Variants in NRXN3 observed in about 807,000 individuals in gnomAD.
NRXN3 encodes neurexin 3, also known as neurexin III.
In NRXN3, 32 loss-of-function variants were observed where a neutral mutation model predicts 137.6. The observed-to-expected ratio is 0.23, with a 90% CI of 0.18 to 0.31. NRXN3 has a LOEUF of 0.31. Among genes scored for constraint, NRXN3 ranks in the 10% least tolerant of loss-of-function variants. NRXN3 has a pLI of 1.00. For missense variants in NRXN3, 1,574 were observed against 2,062.5 expected (o/e 0.76, Z 4.59); for synonymous variants, 798 against 784.5 (o/e 1.02, Z -0.29).
intron 10 of NRXN3, among the ~76,000 whole-genome samples, chr14:78,832,730 A>AAAT (rs1483275618): frequency 6.6e-6 from 1 of 152,208 alleles, no homozygotes. Context: ...GCTGTGGTTT[A>AAAT]AATAATAATA....
chr14:79,126,545 G>A (rs2056519254), intron 15 of NRXN3, among the ~76,000 whole-genome samples: 1 of 152,130 alleles, frequency 6.6e-6, no homozygotes, highest in Non-Finnish European at 1.5e-5. Context: ...TGGTCTATGT[G>A]TGCCACATTT....
intron 10 of NRXN3, among the ~76,000 whole-genome samples, chr14:78,928,292 T>C (rs1196863496): frequency 6.6e-6 from 1 of 151,620 alleles, no homozygotes; most frequent in Non-Finnish European, 1.5e-5. Context: ...TCTGACTTCA[T>C]TACTTACAGG....
At chr14:79,760,421 C>CTTT (rs36098809) in intron 19 of NRXN3, among the ~76,000 whole-genome samples, 1 of 138,300 alleles carries the variant, frequency 7.2e-6, no homozygotes, top group Non-Finnish European at 1.6e-5. Flanking sequence ...ATAACTTAAC[C>CTTT]TTTTTTTTTT....
chr14:78,848,561 A>G (rs1366705276), intron 10 of NRXN3, among the ~76,000 whole-genome samples: 1 of 152,140 alleles, frequency 6.6e-6, no homozygotes, highest in Non-Finnish European at 1.5e-5. Context: ...CAGCTTGTAC[A>G]TGAAGTTATC....
chr14:79,792,183 C>CA (rs2099147339), intron 19 of NRXN3, among the ~76,000 whole-genome samples: 1 of 151,252 alleles, frequency 6.6e-6, no homozygotes, highest in Non-Finnish European at 1.5e-5. Flanking sequence ...CAGCACCTCT[C>CA]AAAACAGAAA....
chr14:78,747,110 A>T (rs1176309567), intron 8 of NRXN3, among the ~76,000 whole-genome samples: 4 of 145,850 alleles, frequency 2.7e-5, no homozygotes, highest in Admixed American at 2.7e-4. Context: ...AAGACCTCAA[A>T]ACTCATAAAT....
chr14:78,336,673 C>T (rs1011232265), intron 4 of NRXN3, among the ~76,000 whole-genome samples: 1 of 152,114 alleles, frequency 6.6e-6, no homozygotes, highest in African/African-American at 2.4e-5. Flanking sequence ...TTGAGTGACT[C>T]ATCTGAGATG....
intron 10 of NRXN3, among the ~76,000 whole-genome samples, chr14:78,896,329 T>C (rs1303498478): frequency 6.6e-6 from 1 of 151,844 alleles, no homozygotes; most frequent in Non-Finnish European, 1.5e-5. Context: ...GTAAAACATA[T>C]TTTTTATTTC....
intron 10 of NRXN3, among the ~76,000 whole-genome samples, chr14:78,850,713 A>G (rs2099040256): frequency 6.6e-6 from 1 of 152,120 alleles, no homozygotes. Flanking sequence ...TATAATTTAG[A>G]TCATGTGACC....
chr14:79,593,794 C>CTCAT (rs2097834816), intron 16 of NRXN3, among the ~76,000 whole-genome samples: 1 of 152,072 alleles, frequency 6.6e-6, no homozygotes, highest in Non-Finnish European at 1.5e-5. Flanking sequence ...TTTAAGCAGA[C>CTCAT]TCATTATACT....
At chr14:79,149,349 A>G (rs1320659428) in intron 15 of NRXN3, among the ~76,000 whole-genome samples, 2 of 151,484 alleles carry the variant, frequency 1.3e-5, no homozygotes, top group African/African-American at 2.4e-5. Flanking sequence ...TCAAATTGTA[A>G]TTCAAAGGCT....
chr14:78,918,141 C>T (rs12893641), intron 10 of NRXN3, among the ~76,000 whole-genome samples: 17,049 of 151,252 alleles, frequency 0.11, 1,330 homozygotes, highest in Non-Finnish European at 0.16. Flanking sequence ...CAAAATTAGC[C>T]GGGCGTGGTG....
chr14:79,550,599 A>G (rs535872128), intron 16 of NRXN3, among the ~76,000 whole-genome samples: 1 of 152,302 alleles, frequency 6.6e-6, no homozygotes, highest in African/African-American at 2.4e-5. Flanking sequence ...GGGCATTCAC[A>G]GTAGTCCAGA....
chr14:78,445,499 G>T (rs1280344991), intron 4 of NRXN3, among the ~76,000 whole-genome samples: 1 of 152,190 alleles, frequency 6.6e-6, no homozygotes, highest in Non-Finnish European at 1.5e-5. Context: ...AGGAGCTTTG[G>T]TGGCTGTCTC....
chr14:79,088,302 G>A (rs1274201401), intron 15 of NRXN3, among the ~76,000 whole-genome samples: 1 of 149,430 alleles, frequency 6.7e-6, no homozygotes, highest in African/African-American at 2.6e-5. Context: ...AAAATAAAGT[G>A]ATTTGAAGCC....
chr14:78,636,522 C>G (rs2097568325), intron 4 of NRXN3, among the ~76,000 whole-genome samples: 1 of 152,016 alleles, frequency 6.6e-6, no homozygotes, highest in Admixed American at 6.6e-5. Context: ...GAGACATGGT[C>G]AAAGTGTTAC....
intron 16 of NRXN3, among the ~76,000 whole-genome samples, chr14:79,612,682 T>C (rs2098117122): frequency 6.6e-6 from 1 of 152,066 alleles, no homozygotes. Context: ...GGCATGCATC[T>C]CTACATAAAA....
intron 19 of NRXN3, among the ~76,000 whole-genome samples, chr14:79,782,519 G>A (rs2099117025): frequency 1.3e-5 from 2 of 152,100 alleles, no homozygotes; most frequent in African/African-American, 4.8e-5. Context: ...CCATTGGATG[G>A]GGCTAGTATA....
intron 19 of NRXN3, among the ~76,000 whole-genome samples, chr14:79,758,766 A>C (rs990829831): frequency 6.6e-6 from 1 of 152,192 alleles, no homozygotes; most frequent in African/African-American, 2.4e-5. Context: ...CTGATTATAC[A>C]CACTCAGCAT....
Sources: allele counts gnomAD v4.1 joint callset (sites outside exome capture counted in the v4.1 genomes callset), GRCh38; gene constraint gnomAD v4.1.1; transcripts MANE v1.5; gene names NCBI Gene and HGNC (gene_info 2026-07-23, HGNC 2026-07-21).